BBS4: variants seen among roughly 807,000 people sequenced by gnomAD.
The protein encoded by BBS4 is Bardet-Biedl syndrome 4.
Under a neutral mutation model 71.4 loss-of-function variants are expected in BBS4, and 58 were observed. That is an observed-to-expected ratio of 0.81 (90% CI 0.66 to 1.01). The LOEUF (loss-of-function observed/expected upper bound fraction) is 1.01. Ranked by LOEUF, BBS4 falls within the 50% of genes least tolerant of loss-of-function variation. The probability of loss-of-function intolerance (pLI) is 0.00; values close to 1 mark genes in which losing one functional copy is unlikely to be tolerated. For missense variants in BBS4, 660 were observed against 607.9 expected (o/e 1.09, Z -0.90); for synonymous variants, 228 against 216.8 (o/e 1.05, Z -0.46).
chr15:72,707,054 T>C (rs2065275923), intron 2 of BBS4, among the ~76,000 whole-genome samples: 1 of 152,044 alleles, frequency 6.6e-6, no homozygotes, highest in African/African-American at 2.4e-5. Flanking sequence ...TCCTGTCATA[T>C]TATGGACATA....
At chr15:72,693,495 G>A (rs192346627) in intron 1 of BBS4, among the ~76,000 whole-genome samples, 1 of 152,168 alleles carries the variant, frequency 6.6e-6, no homozygotes, top group African/African-American at 2.4e-5. Context: ...GGGCTTTGTG[G>A]GCCATAGAGT....
rs549708719 is a variant in BBS4, at chr15:72,701,309, T to G, written c.76+6081T>G. ...TTGCATGTAGTAGTGGTTGGTTGTT[T>G]TCTTCCTTGTTATATATATTCCATT... is the stretch of plus-strand genomic sequence containing the variant. On this transcript the variant is annotated intron_variant, in intron 2 of 15. Transcript: ENST00000268057. Among the ~76,000 whole-genome samples the G allele has an allele frequency of 2.3e-4, 35 of 152,334 alleles. No individual in the cohort carries two copies. In the South Asian group the frequency reaches 6.8e-3, roughly 30 times the overall value.
intron 4 of BBS4, among the ~76,000 whole-genome samples, chr15:72,712,914 T>C (rs1294157992): frequency 1.3e-5 from 2 of 152,154 alleles, no homozygotes; most frequent in East Asian, 3.8e-4. Flanking sequence ...ACTTTAAAAC[T>C]TTTTGGCTCT....
At chr15:72,737,016 C>T in intron 15 of BBS4, 53 bp downstream of exon 15, 1 of 1,574,414 alleles carries the variant, frequency 6.4e-7, no homozygotes, top group Non-Finnish European at 8.7e-7. Context: ...CCACATGTGT[C>T]TGTCAGCAGA....
In BBS4 at chr15:72,727,961, G is replaced by A. The variant is rs1462311708; in HGVS notation, c.609G>A (p.Glu203=). 6.2e-7 allele frequency: 1 copy of A among 1,612,764 alleles called. No individual in the cohort carries two copies. Among genetic ancestry groups the A allele is most frequent in the Non-Finnish European group, 8.5e-7 (1 of 1,178,944 alleles). Reference sequence around the variant, plus strand: ...GCAGGTTCTCACCAGAAAATACAGAGCTTCTTACAACTTTAGGATTACTCT... The same window carrying A: ...GCAGGTTCTCACCAGAAAATACAGAACTTCTTACAACTTTAGGATTACTCT... ...KAVEFSPENT[E]LLTTLGLLYL... is the part of the protein sequence containing the mutation. The change falls in exon 9 of 16, where the codon GAG becomes GAA. Residue 203 remains glutamate (E), a synonymous_variant. Transcript: ENST00000268057.
intron 1 of BBS4, among the ~76,000 whole-genome samples, chr15:72,693,795 G>C (rs2065027296): frequency 6.6e-6 from 1 of 152,052 alleles, no homozygotes; most frequent in Admixed American, 6.6e-5. Flanking sequence ...TGACACTGGA[G>C]TAATTATTCT....
intron 4 of BBS4, among the ~76,000 whole-genome samples, chr15:72,713,018 T>C (rs2065403147): frequency 6.6e-6 from 1 of 151,216 alleles, no homozygotes; most frequent in Non-Finnish European, 1.5e-5. Context: ...TTCTTTTTCT[T>C]TCTTTTTTTT....
chr15:72,695,699 A>C (rs7162166), intron 2 of BBS4, among the ~76,000 whole-genome samples: 16,527 of 152,200 alleles, frequency 0.11, 948 homozygotes, highest in East Asian at 0.22. Flanking sequence ...TATTTAATAG[A>C]GTTATTAGAT....
At chr15:72,689,237 T>C (rs1304386322) in intron 1 of BBS4, among the ~76,000 whole-genome samples, 1 of 152,102 alleles carries the variant, frequency 6.6e-6, no homozygotes, top group Non-Finnish European at 1.5e-5. Context: ...TTTGAAGAAA[T>C]GTATAGCTAA....
chr15:72,717,670 A>T (rs926597545), intron 6 of BBS4, among the ~76,000 whole-genome samples: 1 of 152,102 alleles, frequency 6.6e-6, no homozygotes, highest in African/African-American at 2.4e-5. Context: ...TCACACTGCC[A>T]CTCTAAACAA....
intron 2 of BBS4, among the ~76,000 whole-genome samples, chr15:72,706,550 G>C (rs2065267828): frequency 6.6e-6 from 1 of 152,160 alleles, no homozygotes; most frequent in African/African-American, 2.4e-5. Context: ...TGGTTAAGTA[G>C]GATGTGAATG....
chr15:72,707,474 T>C (rs745702443), intron 2 of BBS4, among the ~76,000 whole-genome samples: 1 of 152,160 alleles, frequency 6.6e-6, no homozygotes, highest in Non-Finnish European at 1.5e-5. Flanking sequence ...CCACCACATC[T>C]GGCCTCTTTT....
chr15:72,737,579 G>A lies in BBS4; in HGVS notation c.1552G>A (p.Glu518Lys), dbSNP rs140997623. ...SPTETSEQIR[E>K]K ...AACTGAAACATCAGAACAAATAAGA[G>A]AGAAATAAGAATAGAATGAATGACC... The change falls in exon 16 of 16, where the codon GAG becomes AAG. Residue 518 changes from glutamate to lysine, a missense_variant. Glu to Lys is a moderately conservative substitution (Grantham distance 56). Transcript: ENST00000268057. The A allele has an allele frequency of 1.2e-6, 2 of 1,605,090 alleles. No homozygotes were observed. The highest frequency in any genetic ancestry group is 1.3e-5 in the African/African-American group (1 of 74,932).
In BBS4 at chr15:72,731,441, A is replaced by G. The variant is rs772010080; in HGVS notation, c.848A>G (p.Lys283Arg). ...AACATTGGAATGTGTTTCTTTGGCA[A>G]GAAGAAATATGTGGCGGTGAGTGTC... ...WNNIGMCFFG[K>R]KKYVAAISCL... is the part of the protein sequence containing the mutation. The change falls in exon 11 of 16, where the codon AAG (lysine) becomes AGG (arginine). Residue 283 changes from lysine (K) to arginine (R), a missense_variant. Coordinates refer to ENST00000268057, the MANE Select transcript of BBS4 (RefSeq NM_033028.5). 5 of 1,614,184 alleles carry G rather than the reference A, an allele frequency of 3.1e-6. No individual in the cohort carries two copies. In the South Asian group the frequency reaches 5.5e-5, roughly 18 times the overall value.
rs773217859 is a variant in BBS4 at position 72,716,758 on chromosome 15, G to C, written c.333-20G>C. ...CTAAGAATTTTGAGGTAATAATTAT[G>C]GAAAATATATCTTTTACAGATTTCT... On this transcript the variant is annotated intron_variant, in intron 5 of 15. Transcript: ENST00000268057. 5 of 1,561,616 alleles carry C rather than the reference G, an allele frequency of 3.2e-6. No homozygotes were observed. The East Asian group carries it at 9.0e-5, about 28-fold the overall frequency.
intron 7 of BBS4, among the ~76,000 whole-genome samples, chr15:72,724,101 A>G (rs897525918): frequency 7.2e-5 from 11 of 152,188 alleles, no homozygotes; most frequent in Admixed American, 2.0e-4. Context: ...AATGAGAACA[A>G]TCTATTTATT....
chr15:72,714,220 C>CTTTT lies in BBS4; in HGVS notation c.221-1051_221-1048dup, dbSNP rs58123834. Among the ~76,000 whole-genome samples, 197 of 98,468 alleles carry CTTTT rather than the reference C, an allele frequency of 2.0e-3. 5 individuals are homozygous for CTTTT. Among genetic ancestry groups the CTTTT allele is most frequent in the African/African-American group, 6.8e-3 (169 of 24,776 alleles). The allele number at this position is 98,468 out of a possible 152,430, so 64.6% of individuals were successfully genotyped here. A position where few individuals can be genotyped will look rare whatever the true frequency, so the allele number is the denominator to read the frequency against. On this transcript the variant is annotated intron_variant, in intron 4 of 15. Transcript: ENST00000268057. Reference sequence around the variant, plus strand: ...ACCAAAGATAAGGACCACTCACTTACTTTTTTTTTTTTTTTTTTTTTTTGA... The same window carrying CTTTT: ...ACCAAAGATAAGGACCACTCACTTACTTTTTTTTTTTTTTTTTTTTTTTTTTTGA...
At chr15:72,710,261 C>T (rs1307749662) in intron 3 of BBS4, among the ~76,000 whole-genome samples, 2 of 125,662 alleles carry the variant, frequency 1.6e-5, no homozygotes, top group African/African-American at 6.1e-5. Context: ...AGTGCAGTGG[C>T]ATGATCTTGG....
chr15:72,725,853 TTCCCCA>T, intron 8 of BBS4, among the ~76,000 whole-genome samples: 1 of 2,724 alleles, frequency 3.7e-4, no homozygotes, highest in African/African-American at 1.3e-3. Flanking sequence ...CCATCCCCCT[TTCCCCA>T]TCCCCCTTTC....
Sources: allele counts gnomAD v4.1 joint callset (sites outside exome capture counted in the v4.1 genomes callset), GRCh38; gene constraint gnomAD v4.1.1; transcripts MANE v1.5; gene names NCBI Gene and HGNC (gene_info 2026-07-23, HGNC 2026-07-21).